STAC: variants seen among roughly 807,000 people sequenced by gnomAD.
STAC encodes the protein SH3 and cysteine-rich domain-containing protein.
In STAC, 43 loss-of-function variants were observed where a neutral mutation model predicts 48.8. That is an observed-to-expected ratio of 0.88 (90% CI 0.69 to 1.14). The LOEUF (loss-of-function observed/expected upper bound fraction) is 1.14. STAC is among the 50% of genes most tolerant of loss of function. STAC has a pLI of 0.00. For synonymous variants in STAC, 193 were observed against 179.5 expected, an observed-to-expected ratio of 1.07 and a Z score of -0.60; for missense variants, 497 against 504.0, an observed-to-expected ratio of 0.99 and a Z score of 0.13.
intron 1 of STAC, among the ~76,000 whole-genome samples, chr3:36,431,343 G>A (rs1456561586): frequency 6.6e-6 from 1 of 152,180 alleles, no homozygotes; most frequent in Non-Finnish European, 1.5e-5. Flanking sequence ...AGCAACAGGA[G>A]CAGCAACTCA....
intron 5 of STAC, among the ~76,000 whole-genome samples, chr3:36,488,651 C>T (rs1697881065): frequency 6.6e-6 from 1 of 152,152 alleles, no homozygotes; most frequent in African/African-American, 2.4e-5. Flanking sequence ...AGACTAAACT[C>T]ATATTCCACG....
chr3:36,464,183 G>A (rs1697099965), intron 2 of STAC, among the ~76,000 whole-genome samples: 1 of 152,150 alleles, frequency 6.6e-6, no homozygotes, highest in African/African-American at 2.4e-5. Context: ...AGCACCTGTT[G>A]TTTCCTGACT....
At chr3:36,453,995 G>A (rs569395796) in intron 2 of STAC, among the ~76,000 whole-genome samples, 39 of 152,200 alleles carry the variant, frequency 2.6e-4, no homozygotes, top group Non-Finnish European at 4.7e-4. Context: ...TGGGGACGTG[G>A]AGAACCTTTG....
At chr3:36,405,463 C>A (rs1700071543) in intron 1 of STAC, among the ~76,000 whole-genome samples, 1 of 152,178 alleles carries the variant, frequency 6.6e-6, no homozygotes, top group Non-Finnish European at 1.5e-5. Context: ...TCTCCCAGCA[C>A]TGTACCTCCA....
chr3:36,468,575 G>C (rs116586725), intron 2 of STAC, among the ~76,000 whole-genome samples: 4,685 of 150,008 alleles, frequency 0.031, 219 homozygotes, highest in African/African-American at 0.11. Context: ...AAATGTGGGA[G>C]CTCCTGTGTT....
At chr3:36,454,463 C>G (rs1696793203) in intron 2 of STAC, among the ~76,000 whole-genome samples, 1 of 152,126 alleles carries the variant, frequency 6.6e-6, no homozygotes, top group Non-Finnish European at 1.5e-5. Context: ...CCGGACACGC[C>G]ACCATTAAGA....
chr3:36,442,215 A>G (rs1696370030), intron 1 of STAC, among the ~76,000 whole-genome samples: 1 of 152,248 alleles, frequency 6.6e-6, no homozygotes, highest in Non-Finnish European at 1.5e-5. Context: ...TTTATGGAGC[A>G]AAAGTGCTGA....
chr3:36,507,427 C>T (rs572471964), intron 8 of STAC, among the ~76,000 whole-genome samples: 2 of 152,224 alleles, frequency 1.3e-5, no homozygotes, highest in Non-Finnish European at 2.9e-5. Flanking sequence ...TGATGCTGAC[C>T]TCATAAAATG....
At chr3:36,500,282 C>T (rs1007999431) in intron 6 of STAC, among the ~76,000 whole-genome samples, 2 of 152,168 alleles carry the variant, frequency 1.3e-5, no homozygotes, top group South Asian at 2.1e-4. Context: ...TGAATGAGAT[C>T]ATGTCCTTTG....
At chr3:36,420,250 G>T (rs1394757575) in intron 1 of STAC, among the ~76,000 whole-genome samples, 3 of 152,158 alleles carry the variant, frequency 2.0e-5, no homozygotes, top group African/African-American at 7.2e-5. Flanking sequence ...ACTGTATCTG[G>T]CACATAGAAA....
chr3:36,529,632 T>C (rs757314252), intron 10 of STAC, among the ~76,000 whole-genome samples: 3 of 152,210 alleles, frequency 2.0e-5, no homozygotes, highest in Non-Finnish European at 4.4e-5. Context: ...CACATTTGTA[T>C]GTCTTTAAGC....
At chr3:36,535,540 T>A (rs1341602121) in intron 10 of STAC, among the ~76,000 whole-genome samples, 4 of 152,198 alleles carry the variant, frequency 2.6e-5, no homozygotes, top group Non-Finnish European at 5.9e-5. Flanking sequence ...GGCATCTTTT[T>A]TGTGCCAATT....
chr3:36,478,485 TTTTA>T (rs1032890448), intron 2 of STAC, among the ~76,000 whole-genome samples: 13 of 152,122 alleles, frequency 8.5e-5, no homozygotes, highest in African/African-American at 2.9e-4. Context: ...ATCAATAAAC[TTTTA>T]TTTATTTATT....
chr3:36,402,872 G>A (rs949144154), intron 1 of STAC, among the ~76,000 whole-genome samples: 1 of 151,240 alleles, frequency 6.6e-6, no homozygotes, highest in African/African-American at 2.5e-5. Context: ...TCTACTCAGA[G>A]TCTTATCTGC....
intron 3 of STAC, among the ~76,000 whole-genome samples, chr3:36,484,108 G>C (rs77253421): frequency 0.024 from 3,682 of 152,302 alleles, 66 homozygotes; most frequent in Middle Eastern, 0.068. Flanking sequence ...AAATTTAGAA[G>C]AGTAACTCCA....
chr3:36,478,681 G>A (rs1697558304), intron 2 of STAC, among the ~76,000 whole-genome samples: 1 of 152,068 alleles, frequency 6.6e-6, no homozygotes, highest in Non-Finnish European at 1.5e-5. Context: ...ATTTAGTAGA[G>A]ATGGGTTTTT....
At chr3:36,402,266 T>A (rs1700011855) in intron 1 of STAC, among the ~76,000 whole-genome samples, 1 of 150,704 alleles carries the variant, frequency 6.6e-6, no homozygotes, top group Admixed American at 6.6e-5. Context: ...ATAATGATAA[T>A]AATAAAAGTA....
intron 8 of STAC, among the ~76,000 whole-genome samples, chr3:36,524,748 G>A (rs1698890701): frequency 6.6e-6 from 1 of 152,086 alleles, no homozygotes; most frequent in Admixed American, 6.6e-5. Flanking sequence ...GGGAAAGAGT[G>A]CTGAGATTGT....
At chr3:36,412,787 G>A (rs188529951) in intron 1 of STAC, among the ~76,000 whole-genome samples, 8 of 152,126 alleles carry the variant, frequency 5.3e-5, no homozygotes, top group South Asian at 2.1e-4. Context: ...AAAATATTAC[G>A]TATTTTTTTA....
Sources: gnomAD v4.1 joint callset for allele counts (sites outside exome capture counted in the v4.1 genomes callset) on GRCh38, gnomAD v4.1.1 for gene constraint, MANE v1.5 for transcripts, NCBI Gene and HGNC (gene_info 2026-07-23, HGNC 2026-07-21) for gene names.